Variants in PODN observed in about 807,000 individuals in gnomAD.
The protein encoded by PODN is podocan, also known as podocan proteoglycan.
In PODN, 40 loss-of-function variants were observed where a neutral mutation model predicts 52.7. That is an observed-to-expected ratio of 0.76 (90% CI 0.59 to 0.99). PODN has a LOEUF of 0.99. Ranked by LOEUF, PODN falls within the 50% of genes least tolerant of loss-of-function variation. The probability of loss-of-function intolerance (pLI) is 0.00; values close to 1 mark genes in which losing one functional copy is unlikely to be tolerated. For synonymous variants in PODN, 396 were observed against 377.9 expected, an observed-to-expected ratio of 1.05 and a Z score of -0.56; for missense variants, 720 against 815.1, an observed-to-expected ratio of 0.88 and a Z score of 1.42.
Position 53,081,219 on chromosome 1 carries a change from A to G in PODN, c.1661+343A>G, listed in dbSNP as rs545567543. Among the ~76,000 whole-genome samples the G allele has an allele frequency of 3.9e-5, 6 of 152,270 alleles. No homozygotes were observed. The East Asian group carries it at 1.2e-3, about 29-fold the overall frequency. On this transcript the variant is annotated intron_variant, in intron 9 of 10. Coordinates refer to ENST00000312553, the MANE Select transcript of PODN (RefSeq NM_153703.5). ...CATCCAGGCTGGGTCCGGGCCTCAC[A>G]CTCAGGAATAGATGTTCAGGCCCTC... is the stretch of plus-strand genomic sequence containing the variant.
At chr1:53,063,906 C>T (rs1338599695) in intron 1 of PODN, among the ~76,000 whole-genome samples, 4 of 152,208 alleles carry the variant, frequency 2.6e-5, no homozygotes, top group Admixed American at 6.5e-5. Context: ...CCAGGCCTCC[C>T]GCCCTGTTGA....
intron 1 of PODN, among the ~76,000 whole-genome samples, chr1:53,065,453 G>A (rs944153538): frequency 3.3e-5 from 5 of 152,180 alleles, no homozygotes; most frequent in African/African-American, 1.2e-4. Flanking sequence ...GACCTTCCCA[G>A]TGCCTCACAG....
At position 53,078,486 on chromosome 1, in the gene PODN, G is replaced by T. The variant is rs773166744; in HGVS notation, c.976G>T (p.Ala326Ser). ...GAAGAACGCCATCCGGAGCGTGGAC[G>T]CGAATGTGCTGACCCCCATCCGCAG... ...LEKNAIRSVDANVLTPIRSLE... is the reference protein window; with the variant it reads ...LEKNAIRSVDSNVLTPIRSLE... The change falls in exon 8 of 11, where the codon GCG (alanine) becomes TCG (serine). Residue 326 changes from alanine to serine, a missense_variant. Coordinates refer to ENST00000312553, the MANE Select transcript of PODN (RefSeq NM_153703.5). 1.2e-6 allele frequency: 2 copies of T among 1,613,226 alleles called. No homozygotes were observed. Among genetic ancestry groups the T allele is most frequent in the Non-Finnish European group, 1.7e-6 (2 of 1,180,042 alleles).
chr1:53,076,057 A>G (rs1644190311), intron 5 of PODN, 86 bp downstream of exon 5: 3 of 1,162,530 alleles, frequency 2.6e-6, no homozygotes, highest in Non-Finnish European at 3.7e-6. Context: ...AGGCAGAGAC[A>G]GGTCCCGAAG....
At chr1:53,072,096 A>T (rs1218130670) in intron 3 of PODN, among the ~76,000 whole-genome samples, 2 of 149,752 alleles carry the variant, frequency 1.3e-5, no homozygotes, top group African/African-American at 2.4e-5. Flanking sequence ...TAAAAAATAA[A>T]ATAATATAAA....
chr1:53,074,489 A>G (rs1375120453), intron 3 of PODN, 117 bp from the exon 4 acceptor site: 12 of 1,142,490 alleles, frequency 1.1e-5, no homozygotes, highest in Non-Finnish European at 1.4e-5. Flanking sequence ...AGGGGATCTG[A>G]GCTGCCTCTG....
At chr1:53,062,350 G>T (rs976749477) in intron 1 of PODN, 42 bp downstream of exon 1, 1 of 1,217,710 alleles carries the variant, frequency 8.2e-7, no homozygotes, top group African/African-American at 1.6e-5. Context: ...GGGGCCGGGG[G>T]CTGAGCCCGG....
intron 1 of PODN, among the ~76,000 whole-genome samples, chr1:53,068,990 G>C (rs1644072088): frequency 6.6e-6 from 1 of 152,176 alleles, no homozygotes; most frequent in Non-Finnish European, 1.5e-5. Context: ...AGGCCATGAG[G>C]GCAGCAGCAG....
intron 9 of PODN, among the ~76,000 whole-genome samples, chr1:53,081,591 G>T (rs910990101): frequency 6.6e-6 from 1 of 152,202 alleles, no homozygotes; most frequent in Non-Finnish European, 1.5e-5. Flanking sequence ...CGCTGGCCTT[G>T]CCTTTGTGCC....
At position 53,080,871 on chromosome 1, in the gene PODN, T is replaced by C. The variant is rs1228705082; in HGVS notation, c.1656T>C (p.Phe552=). 2 of 1,613,890 alleles carry C rather than the reference T, an allele frequency of 1.2e-6. No individual in the cohort carries two copies. Among genetic ancestry groups the C allele is most frequent in the Non-Finnish European group, 8.5e-7 (1 of 1,180,004 alleles). ...CCACGCCCAACCTCAAGGGGATCTT[T>C]CTCAGGTAGGAGCCCACTCGCGGCC... ...FDSTPNLKGI[F]LRFNKLAVGS... The change falls in exon 9 of 11, where the codon TTT becomes TTC. Residue 552 remains phenylalanine, a synonymous_variant. Coordinates refer to ENST00000312553, the MANE Select transcript of PODN (RefSeq NM_153703.5).
intron 1 of PODN, chr1:53,063,564 G>T: frequency 2.0e-6 from 2 of 985,502 alleles, no homozygotes; most frequent in Non-Finnish European, 1.2e-6. Flanking sequence ...TCCGAGGTAG[G>T]TCACTCAGAA....
intron 8 of PODN, among the ~76,000 whole-genome samples, chr1:53,079,545 C>A (rs932110500): frequency 6.6e-6 from 1 of 152,140 alleles, no homozygotes; most frequent in African/African-American, 2.4e-5. Flanking sequence ...GGGCCCACCT[C>A]ACCAGTCTGC....
At chr1:53,065,189 A>T (rs111603600) in intron 1 of PODN, among the ~76,000 whole-genome samples, 7 of 152,262 alleles carry the variant, frequency 4.6e-5, no homozygotes, top group African/African-American at 1.7e-4. Context: ...CCCATTTCTA[A>T]AAATAAAAAA....
In PODN at chr1:53,075,842, C is replaced by T. The variant is rs959944522; in HGVS notation, c.472-20C>T. On this transcript the variant is annotated intron_variant, in intron 4 of 10. Coordinates refer to ENST00000312553, the MANE Select transcript of PODN (RefSeq NM_153703.5). ...TCTGCTCCTCCATTGCTCTTTCGGC[C>T]CCAACTCTTCCCTTCCCAGCTGACC... 1.3e-6 allele frequency: 2 copies of T among 1,571,758 alleles called. No homozygotes were observed. Among genetic ancestry groups the T allele is most frequent in the Middle Eastern group, 1.7e-4 (1 of 6,018 alleles).
chr1:53,078,484 AC>A lies in PODN; in HGVS notation c.975del (p.Asp325GlufsTer5). On this transcript the variant is annotated frameshift_variant, in exon 8 of 11. Coordinates refer to ENST00000312553, the MANE Select transcript of PODN (RefSeq NM_153703.5). LOFTEE classifies it high-confidence loss of function. ...HLEKNAIRSVDANVLTPIRSL... is the reference protein window; with the variant it reads ...HLEKNAIRSVXANVLTPIRSL... Reference sequence around the variant, plus strand: ...GAGAAGAACGCCATCCGGAGCGTGGACGCGAATGTGCTGACCCCCATCCGCA... The same window carrying A: ...GAGAAGAACGCCATCCGGAGCGTGGAGCGAATGTGCTGACCCCCATCCGCA... 6.2e-7 allele frequency: 1 copy of A among 1,613,336 alleles called. No individual in the cohort carries two copies. The highest frequency in any genetic ancestry group is 8.5e-7 in the Non-Finnish European group (1 of 1,180,034).
chr1:53,075,998 C>T (rs767653385), intron 5 of PODN, 27 bp downstream of exon 5: 124 of 1,522,268 alleles, frequency 8.1e-5, no homozygotes, highest in Non-Finnish European at 1.0e-4. Flanking sequence ...GGTCAGGGCT[C>T]GGGCTGGGGC....
intron 3 of PODN, among the ~76,000 whole-genome samples, chr1:53,072,560 G>A (rs571931987): frequency 2.0e-5 from 3 of 152,070 alleles, no homozygotes; most frequent in East Asian, 2.0e-4. Flanking sequence ...CTGGGAGTAC[G>A]TCAGGGTTGG....
intron 3 of PODN, among the ~76,000 whole-genome samples, chr1:53,072,518 T>C (rs942336122): frequency 6.6e-6 from 1 of 152,204 alleles, no homozygotes; most frequent in Admixed American, 6.5e-5. Context: ...AGGACCCTTA[T>C]ATAACATCCA....
At chr1:53,071,763 A>C in intron 3 of PODN, 135 bp downstream of exon 3, 1 of 843,262 alleles carries the variant, frequency 1.2e-6, no homozygotes. Flanking sequence ...GGCCCGGGCC[A>C]GGCTAGCAGT....
Sources: gnomAD v4.1 joint callset for allele counts (sites outside exome capture counted in the v4.1 genomes callset) on GRCh38, gnomAD v4.1.1 for gene constraint, MANE v1.5 for transcripts, NCBI Gene and HGNC (gene_info 2026-07-23, HGNC 2026-07-21) for gene names.